TENM2: variants seen among roughly 807,000 people sequenced by gnomAD.
TENM2 encodes teneurin-2.
Under a neutral mutation model 245.2 loss-of-function variants are expected in TENM2, and 52 were observed. That is an observed-to-expected ratio of 0.21 (90% CI 0.17 to 0.27). TENM2 has a LOEUF of 0.27. TENM2 is among the 10% of genes least tolerant of loss of function. The probability of loss-of-function intolerance (pLI) is 1.00; values close to 1 mark genes in which losing one functional copy is unlikely to be tolerated. For synonymous variants in TENM2, 1,363 were observed against 1,438.9 expected (o/e 0.95, Z 1.19); for missense variants, 3,046 against 3,666.8 (o/e 0.83, Z 4.37).
At chr5:168,177,250 A>G (rs1309794765) in intron 13 of TENM2, among the ~76,000 whole-genome samples, 1 of 152,252 alleles carries the variant, frequency 6.6e-6, no homozygotes, top group African/African-American at 2.4e-5. Context: ...CCTCTCTAGG[A>G]CTGGGTTTCT....
At chr5:167,670,175 T>C (rs1164717674) in intron 2 of TENM2, among the ~76,000 whole-genome samples, 3 of 152,102 alleles carry the variant, frequency 2.0e-5, no homozygotes, top group Non-Finnish European at 4.4e-5. Flanking sequence ...CAGTGGAAAA[T>C]TATTTTTGAG....
chr5:167,869,602 T>C (rs1772635019), intron 2 of TENM2, among the ~76,000 whole-genome samples: 2 of 152,214 alleles, frequency 1.3e-5, no homozygotes, highest in Non-Finnish European at 2.9e-5. Flanking sequence ...TGCGATGAGA[T>C]GGAGACAGAG....
chr5:167,983,570 C>G lies in TENM2; in HGVS notation c.948-9374C>G, dbSNP rs184324648. 1.2e-4 allele frequency among the ~76,000 whole-genome samples: 18 copies of G among 152,226 alleles called. No homozygotes were observed. In the East Asian group the frequency reaches 3.5e-3, roughly 29 times the overall value. On this transcript the variant is annotated intron_variant, in intron 4 of 28. Coordinates refer to ENST00000518659, the Ensembl canonical transcript of TENM2. ...GTTCAGGGATGAGAAACCTTGAAAG[C>G]CTATTTTTTTCCTGAATCAAACGGG...
At chr5:167,820,426 G>A (rs889917251) in intron 2 of TENM2, among the ~76,000 whole-genome samples, 3 of 152,160 alleles carry the variant, frequency 2.0e-5, no homozygotes, top group African/African-American at 2.4e-5. Context: ...GAAGCTCCCG[G>A]CTCCCGGCAC....
chr5:167,207,122 T>A, the TENM2 span, among the ~76,000 whole-genome samples: 5,076 of 152,252 alleles, frequency 0.033, 281 homozygotes, highest in African/African-American at 0.12. Context: ...TTGAGTGATT[T>A]CCAAGTTTAT....
Position 168,062,895 on chromosome 5 carries a change from T to TG in TENM2, c.1515+636dup, listed in dbSNP as rs538882259. On this transcript the variant is annotated intron_variant, in intron 7 of 28. Coordinates refer to ENST00000518659, the Ensembl canonical transcript of TENM2. ...TTGGGGCTAACTGCCACGGGGTTTT[T>TG]GGGGGGTAGTGATAGTAATGGCCTG... Among the ~76,000 whole-genome samples, 128 of 152,298 alleles carry TG rather than the reference T, an allele frequency of 8.4e-4. 1 individual carries two copies. The highest frequency in any genetic ancestry group is 6.8e-3 in the Middle Eastern group (2 of 294).
At chr5:167,369,944 C>T (rs1433155437) in intron 1 of TENM2, among the ~76,000 whole-genome samples, 1 of 152,032 alleles carries the variant, frequency 6.6e-6, no homozygotes, top group Non-Finnish European at 1.5e-5. Context: ...GAAAATAAAG[C>T]CATGATCACA....
the TENM2 span, among the ~76,000 whole-genome samples, chr5:167,194,600 G>C: frequency 8.6e-5 from 13 of 151,972 alleles, no homozygotes; most frequent in Non-Finnish European, 1.5e-5. Flanking sequence ...TTTTGAGTCA[G>C]GGATTAATGA....
chr5:167,099,024 G>A, the TENM2 span, among the ~76,000 whole-genome samples: 3 of 152,280 alleles, frequency 2.0e-5, no homozygotes, highest in South Asian at 6.2e-4. Flanking sequence ...AAATTTCTGT[G>A]TGGGAAATAT....
intron 1 of TENM2, among the ~76,000 whole-genome samples, chr5:167,353,249 C>T (rs1464672990): frequency 6.9e-6 from 1 of 145,216 alleles, no homozygotes; most frequent in Non-Finnish European, 1.5e-5. Context: ...TTTATATAAA[C>T]TATAAAAAAG....
chr5:167,073,400 A>G, the TENM2 span, among the ~76,000 whole-genome samples: 2 of 152,138 alleles, frequency 1.3e-5, no homozygotes, highest in Non-Finnish European at 2.9e-5. Context: ...GCTCTGCCTC[A>G]AGTTGTGTTT....
At chr5:168,094,358 T>A (rs1793186704) in intron 8 of TENM2, among the ~76,000 whole-genome samples, 1 of 152,006 alleles carries the variant, frequency 6.6e-6, no homozygotes, top group African/African-American at 2.4e-5. Context: ...GCCAAAGATG[T>A]AAGTTTTGAG....
At chr5:167,702,552 G>GTGTGTATATATA (rs58351767) in intron 2 of TENM2, among the ~76,000 whole-genome samples, 3 of 136,782 alleles carry the variant, frequency 2.2e-5, no homozygotes, top group Non-Finnish European at 4.6e-5. Context: ...GTGTGTGTGT[G>GTGTGTATATATA]TATATATATA....
the TENM2 span, among the ~76,000 whole-genome samples, chr5:167,133,742 T>C: frequency 6.6e-6 from 1 of 152,062 alleles, no homozygotes; most frequent in East Asian, 1.9e-4. Flanking sequence ...AATTTTCTAC[T>C]TGTGGTCTCA....
At chr5:167,350,826 A>G (rs1335556855) in intron 1 of TENM2, among the ~76,000 whole-genome samples, 1 of 131,048 alleles carries the variant, frequency 7.6e-6, no homozygotes, top group East Asian at 2.3e-4. Context: ...ATGGATATAT[A>G]TATGGGATAT....
intron 9 of TENM2, among the ~76,000 whole-genome samples, chr5:168,116,859 G>A (rs1425364696): frequency 2.6e-5 from 4 of 152,146 alleles, no homozygotes; most frequent in Non-Finnish European, 5.9e-5. Context: ...TTGTAGATGT[G>A]TGTACACACA....
intron 2 of TENM2, among the ~76,000 whole-genome samples, chr5:167,470,846 T>C (rs905677556): frequency 2.0e-4 from 31 of 152,126 alleles, no homozygotes; most frequent in Non-Finnish European, 1.2e-4. Context: ...TCTTTAAAAA[T>C]GACTTATAGA....
intron 2 of TENM2, among the ~76,000 whole-genome samples, chr5:167,383,852 C>T (rs1033560138): frequency 6.6e-6 from 1 of 151,718 alleles, no homozygotes; most frequent in Non-Finnish European, 1.5e-5. Flanking sequence ...TATATACACA[C>T]ATACACTTGC....
At chr5:168,027,842 C>T (rs943159856) in intron 5 of TENM2, among the ~76,000 whole-genome samples, 25 of 152,292 alleles carry the variant, frequency 1.6e-4, no homozygotes, top group African/African-American at 6.0e-4. Context: ...CCAGTAGCAA[C>T]TGTTTGTTCT....
Sources: allele counts gnomAD v4.1 joint callset (sites outside exome capture counted in the v4.1 genomes callset), GRCh38; gene constraint gnomAD v4.1.1; transcripts MANE v1.5; gene names NCBI Gene and HGNC (gene_info 2026-07-23, HGNC 2026-07-21).